The following EFHD1 variants were observed in gnomAD, a reference collection of about 807,000 sequenced individuals.
The protein encoded by EFHD1 is EF-hand domain family member D1.
A neutral mutation model predicts 17.2 loss-of-function variants in EFHD1; 10 were observed. The observed-to-expected ratio is 0.58, with a 90% CI of 0.36 to 0.99. The LOEUF (loss-of-function observed/expected upper bound fraction) is 0.99. EFHD1 is among the 50% of genes least tolerant of loss of function. The probability of loss-of-function intolerance (pLI) is 0.01; values close to 1 mark genes in which losing one functional copy is unlikely to be tolerated. For missense variants in EFHD1, 310 were observed against 327.5 expected (o/e 0.95, Z 0.41); for synonymous variants, 153 against 142.0 (o/e 1.08, Z -0.55).
intron 1 of EFHD1, among the ~76,000 whole-genome samples, chr2:232,615,848 C>T (rs1467605054): frequency 6.6e-5 from 10 of 151,816 alleles, no homozygotes; most frequent in African/African-American, 1.9e-4. Flanking sequence ...CCACCAGGCC[C>T]GGCTAATTTT....
intron 1 of EFHD1, among the ~76,000 whole-genome samples, chr2:232,613,110 C>G (rs563952552): frequency 1.6e-4 from 24 of 152,038 alleles, no homozygotes; most frequent in African/African-American, 5.3e-4. Flanking sequence ...CCCCCTGCCC[C>G]CCACCAAAAA....
At chr2:232,679,925 G>T (rs1034764852) in intron 3 of EFHD1, among the ~76,000 whole-genome samples, 8 of 152,086 alleles carry the variant, frequency 5.3e-5, no homozygotes, top group African/African-American at 1.9e-4. Flanking sequence ...TCATGATTGT[G>T]GGTGTGTAAA....
Position 232,633,877 on chromosome 2 carries a change from A to C in EFHD1, c.173A>C (p.Gln58Pro), listed in dbSNP as rs775872774. 6.0e-5 allele frequency: 93 copies of C among 1,537,694 alleles called. No homozygotes were observed. Among genetic ancestry groups the C allele is most frequent in the Non-Finnish European group, 7.4e-5 (85 of 1,152,232 alleles). Residue 58 changes from glutamine (Q) to proline (P), a missense_variant, in exon 1 of 4, where the codon CAG (glutamine) becomes CCG (proline). Coordinates refer to ENST00000264059, the MANE Select transcript of EFHD1 (RefSeq NM_025202.4). ...TASADAELSA[Q>P]LSRRLDINEG... The stretch of plus-strand genomic sequence containing the variant: ...AGCGCCGACGCGGAGCTGAGCGCCC[A>C]GCTGAGCCGGCGGCTGGACATCAAC...
At position 232,633,709 on chromosome 2, in the gene EFHD1, C is replaced by T. The variant is rs1278051220; in HGVS notation, c.5C>T (p.Ala2Val). 1.4e-6 allele frequency: 2 copies of T among 1,457,506 alleles called. No individual in the cohort carries two copies. The highest frequency in any genetic ancestry group is 1.8e-6 in the Non-Finnish European group (2 of 1,113,338). 90.3% of individuals were successfully genotyped at this position (1,457,506 alleles called of 1,614,324 possible). A position where few individuals can be genotyped will look rare whatever the true frequency, so the allele number is the denominator to read the frequency against. Residue 2 changes from alanine to valine, a missense_variant, in exon 1 of 4, where the codon GCC becomes GTC. Ala to Val is a moderately conservative substitution (Grantham distance 64). Transcript: ENST00000264059. The part of the protein sequence containing the change: M[A>V]SEELACKLER... ...CGCGTCCTGCGATCCGCCGCCATGG[C>T]CAGTGAGGAGCTGGCGTGCAAGCTG... is the stretch of plus-strand genomic sequence containing the variant.
chr2:232,681,750 G>A lies in EFHD1; in HGVS notation c.*31G>A, dbSNP rs187473793. 7.9e-4 allele frequency: 1,270 copies of A among 1,607,576 alleles called. 1 individual carries two copies. Among genetic ancestry groups the A allele is most frequent in the Non-Finnish European group, 9.7e-4 (1,146 of 1,177,020 alleles). On this transcript the variant is annotated 3_prime_UTR_variant, in exon 4 of 4. Transcript: ENST00000264059. ...CTGACCTTGCCCTCTGCCCACAGCT[G>A]TGCCTCACAGATGCCCCGAGAAGAG...
At chr2:232,668,822 T>C (rs923697461) in intron 2 of EFHD1, among the ~76,000 whole-genome samples, 1 of 151,748 alleles carries the variant, frequency 6.6e-6, no homozygotes, top group Non-Finnish European at 1.5e-5. Flanking sequence ...TTAGTAGAGA[T>C]GGGGTTTCAC....
At chr2:232,675,633 G>T (rs529312028) in intron 3 of EFHD1, among the ~76,000 whole-genome samples, 1 of 152,304 alleles carries the variant, frequency 6.6e-6, no homozygotes, top group East Asian at 1.9e-4. Context: ...TTTGAGCAGG[G>T]CCTTGACGTG....
At chr2:232,678,513 G>T (rs142233894) in intron 3 of EFHD1, among the ~76,000 whole-genome samples, 1 of 152,050 alleles carries the variant, frequency 6.6e-6, no homozygotes, top group Admixed American at 6.6e-5. Context: ...GGCCGGGCGC[G>T]GTGGCTCATG....
At chr2:232,659,382 G>T (rs569473927) in intron 1 of EFHD1, among the ~76,000 whole-genome samples, 39 of 152,326 alleles carry the variant, frequency 2.6e-4, no homozygotes, top group African/African-American at 8.7e-4. Context: ...GACAGTGGGT[G>T]CTATTGGAGA....
chr2:232,627,246 G>GAA (rs1172175802), intron 1 of EFHD1, among the ~76,000 whole-genome samples: 5 of 93,764 alleles, frequency 5.3e-5, no homozygotes, highest in Admixed American at 1.0e-4. Flanking sequence ...AACACAAACA[G>GAA]AAAAAAAAAA....
chr2:232,668,490 C>T (rs902094259), intron 2 of EFHD1, among the ~76,000 whole-genome samples: 5 of 152,136 alleles, frequency 3.3e-5, no homozygotes, highest in African/African-American at 4.8e-5. Flanking sequence ...GTTCATGAAG[C>T]CCGTCCGTAA....
At position 232,627,054 on chromosome 2, in the gene EFHD1, ATATATATATATTT is replaced by A. The variant is rs1465491251; in HGVS notation, c.14+20883_14+20895del. 2.3e-4 allele frequency among the ~76,000 whole-genome samples: 26 copies of A among 111,646 alleles called. No individual in the cohort carries two copies. In the East Asian group the frequency reaches 7.4e-3, roughly 32 times the overall value. The allele number at this position is 111,646 out of a possible 152,430, so 73.2% of individuals were successfully genotyped here. On this transcript the variant is annotated intron_variant, in intron 1 of 3. Coordinates refer to the EFHD1 transcript ENST00000409613. ...TCTCTCTCTATATATATATATATAT[ATATATATATATTT>A]TTTTTTTTTTTTAATTAGCCAGTTG... is the stretch of plus-strand genomic sequence containing the variant.
chr2:232,617,442 G>A (rs1693946982), intron 1 of EFHD1, among the ~76,000 whole-genome samples: 1 of 151,778 alleles, frequency 6.6e-6, no homozygotes, highest in South Asian at 2.1e-4. Context: ...GAGGTCAGGA[G>A]ATCGAGACTA....
chr2:232,645,334 C>T (rs1226448603), intron 1 of EFHD1, among the ~76,000 whole-genome samples: 10 of 152,112 alleles, frequency 6.6e-5, no homozygotes, highest in African/African-American at 2.4e-4. Context: ...CCACTCTGCC[C>T]CTTCTGGGTG....
At position 232,650,916 on chromosome 2, in the gene EFHD1, G is replaced by A. The variant is rs578104861; in HGVS notation, c.303-11886G>A. Among the ~76,000 whole-genome samples the A allele has an allele frequency of 1.5e-4, 23 of 152,196 alleles. No homozygotes were observed. The East Asian group carries it at 3.5e-3, about 23-fold the overall frequency. The stretch of plus-strand genomic sequence containing the variant: ...AAAATATATATGTATATGGATTAAC[G>A]TTTAAATTATAGGGAAAAAAAGAGC... On this transcript the variant is annotated intron_variant, in intron 1 of 3. Coordinates refer to ENST00000264059, the MANE Select transcript of EFHD1 (RefSeq NM_025202.4).
At chr2:232,672,903 T>G (rs1695105640) in intron 3 of EFHD1, among the ~76,000 whole-genome samples, 1 of 152,088 alleles carries the variant, frequency 6.6e-6, no homozygotes, top group African/African-American at 2.4e-5. Context: ...TTCTTACTTC[T>G]CTTTGAGGCT....
chr2:232,630,673 C>T (rs992343240), upstream of EFHD1, among the ~76,000 whole-genome samples: 1 of 151,862 alleles, frequency 6.6e-6, no homozygotes, highest in South Asian at 2.1e-4. Flanking sequence ...AGGCTGGGCA[C>T]CGTGGCTCAC....
chr2:232,661,488 T>C (rs1418567818), intron 1 of EFHD1, among the ~76,000 whole-genome samples: 1 of 152,112 alleles, frequency 6.6e-6, no homozygotes, highest in Non-Finnish European at 1.5e-5. Flanking sequence ...CCCTTCCTTT[T>C]TATTGCCAAA....
intron 2 of EFHD1, among the ~76,000 whole-genome samples, chr2:232,668,774 C>T (rs1456405754): frequency 6.6e-6 from 1 of 152,060 alleles, no homozygotes; most frequent in Non-Finnish European, 1.5e-5. Context: ...GCTGGGATTA[C>T]AGTTGTGTAC....
Sources: allele counts gnomAD v4.1 joint callset (sites outside exome capture counted in the v4.1 genomes callset), GRCh38; gene constraint gnomAD v4.1.1; transcripts MANE v1.5; gene names NCBI Gene and HGNC (gene_info 2026-07-23, HGNC 2026-07-21).